SCYL2: variants seen among roughly 807,000 people sequenced by gnomAD.
SCYL2 encodes SCY1 like pseudokinase 2, also known as SCY1-like protein 2.
In SCYL2, 36 loss-of-function variants were observed where a neutral mutation model predicts 100.4. The ratio of observed to expected loss-of-function variants is 0.36; its 90% confidence interval spans 0.27 to 0.47. The LOEUF (loss-of-function observed/expected upper bound fraction) is 0.47, where lower values mean the gene tolerates loss of function less well. Ranked by LOEUF, SCYL2 falls within the 20% of genes least tolerant of loss-of-function variation. The pLI is 1.00. For missense variants in SCYL2, 902 were observed against 1,083.9 expected (o/e 0.83, Z 2.36); for synonymous variants, 330 against 359.2 (o/e 0.92, Z 0.92).
rs776255017 is a variant in SCYL2 at position 100,312,690 on chromosome 12, T to A, written c.852+37T>A. On this transcript the variant is annotated intron_variant, in intron 6 of 17. Transcript: ENST00000360820. ...TAAATAATTTGCTTGCATTAAAAAA[T>A]TTATTAAATGTGTCTTTGATTTTTT... is the stretch of plus-strand genomic sequence containing the variant. 4 of 1,456,148 alleles carry A rather than the reference T, an allele frequency of 2.7e-6. No homozygotes were observed. The African/African-American group carries it at 4.3e-5, about 15-fold the overall frequency. 90.2% of individuals were successfully genotyped at this position (1,456,148 alleles called of 1,614,324 possible). A position where few individuals can be genotyped will look rare whatever the true frequency, so the allele number is the denominator to read the frequency against.
At chr12:100,318,091 C>T (rs982861215) in intron 10 of SCYL2, among the ~76,000 whole-genome samples, 166 bp downstream of exon 10, 2 of 152,138 alleles carry the variant, frequency 1.3e-5, no homozygotes, top group African/African-American at 2.4e-5. Context: ...AATATATTCA[C>T]TCCTAACTAA....
chr12:100,334,060 T>C (rs529906569), intron 13 of SCYL2, 106 bp from the exon 14 acceptor site: 2 of 669,688 alleles, frequency 3.0e-6, no homozygotes, highest in Admixed American at 2.6e-5. Context: ...CCTATTCTAC[T>C]GGTAAAAATG....
At chr12:100,298,266 T>G (rs1264916683) in intron 4 of SCYL2, 91 bp downstream of exon 4, 1 of 952,122 alleles carries the variant, frequency 1.1e-6, no homozygotes, top group East Asian at 2.8e-5. Flanking sequence ...AAAACTATTT[T>G]AGGTAAACTT....
intron 2 of SCYL2, among the ~76,000 whole-genome samples, chr12:100,288,425 A>G (rs1296865700): frequency 2.0e-5 from 3 of 152,140 alleles, no homozygotes; most frequent in African/African-American, 7.2e-5. Context: ...TGGAATTACA[A>G]GCATGAGCCA....
chr12:100,287,854 C>T (rs2135843089), intron 2 of SCYL2, among the ~76,000 whole-genome samples: 1 of 152,088 alleles, frequency 6.6e-6, no homozygotes, highest in East Asian at 1.9e-4. Context: ...TAATAAAAAG[C>T]TTTAATTGCT....
chr12:100,306,951 C>G (rs1167262049), intron 4 of SCYL2, among the ~76,000 whole-genome samples: 1 of 152,086 alleles, frequency 6.6e-6, no homozygotes, highest in Admixed American at 6.6e-5. Context: ...TGTGAAGGAC[C>G]TCTTCAAGGA....
At chr12:100,326,821 C>T in intron 12 of SCYL2, 67 bp downstream of exon 12, 3 of 1,313,792 alleles carry the variant, frequency 2.3e-6, no homozygotes, top group Non-Finnish European at 3.2e-6. Flanking sequence ...ATCTATAAAA[C>T]AATTATACTC....
chr12:100,293,519 GTTT>G (rs368880318), intron 3 of SCYL2, among the ~76,000 whole-genome samples: 1 of 149,046 alleles, frequency 6.7e-6, no homozygotes, highest in Admixed American at 6.7e-5. Flanking sequence ...GTATTTACAT[GTTT>G]TTTTTTTATT....
At chr12:100,294,351 C>T (rs2096314784) in intron 3 of SCYL2, among the ~76,000 whole-genome samples, 1 of 110,838 alleles carries the variant, frequency 9.0e-6, no homozygotes. Context: ...CGCCCCTCAC[C>T]TCCCAGACGG....
intron 5 of SCYL2, 79 bp from the exon 6 acceptor site, chr12:100,312,353 T>C: frequency 1.8e-6 from 2 of 1,092,458 alleles, no homozygotes; most frequent in Non-Finnish European, 2.7e-6. Context: ...CGAGTAGAAA[T>C]TTAAAGATAG....
At chr12:100,300,779 T>G (rs374783491) in intron 4 of SCYL2, among the ~76,000 whole-genome samples, 1 of 152,230 alleles carries the variant, frequency 6.6e-6, no homozygotes, top group East Asian at 1.9e-4. Flanking sequence ...GTTATTTTGC[T>G]TAACATAATG....
At chr12:100,322,937 AG>A (rs2096357778) in intron 10 of SCYL2, among the ~76,000 whole-genome samples, 1 of 151,240 alleles carries the variant, frequency 6.6e-6, no homozygotes. Flanking sequence ...CTGAGGCCAG[AG>A]GATCCCACAA....
At chr12:100,304,305 GA>G (rs906494915) in intron 4 of SCYL2, among the ~76,000 whole-genome samples, 6 of 146,140 alleles carry the variant, frequency 4.1e-5, no homozygotes, top group Non-Finnish European at 6.1e-5. Flanking sequence ...ACTGGGGTTT[GA>G]AAAAAAAAAA....
chr12:100,311,193 G>A lies in SCYL2; in HGVS notation c.630G>A (p.Glu210=), dbSNP rs751358435. The A allele has an allele frequency of 2.5e-6, 4 of 1,582,802 alleles. No homozygotes were observed. The highest frequency in any genetic ancestry group is 1.2e-5 in the South Asian group (1 of 84,890). The change falls in exon 5 of 18, where the codon GAG becomes GAA. Residue 210 remains glutamate (E), a splice_region_variant and synonymous_variant. Coordinates refer to ENST00000360820, the MANE Select transcript of SCYL2 (RefSeq NM_017988.6). ...CVSSTNPSEQ[E]PKFPCKEWDP... ...CATCAACCAATCCTTCTGAACAAGA[G>A]GTAATGAAAGTTTTAGTCTTCTAAT...
chr12:100,318,370 G>A lies in SCYL2; in HGVS notation c.1395+445G>A, dbSNP rs12425955. Among the ~76,000 whole-genome samples the A allele has an allele frequency of 0.025, 3,314 of 132,242 alleles. 266 individuals are homozygous for A. The East Asian group carries it at 0.3, about 12-fold the overall frequency. 86.8% of individuals were successfully genotyped at this position (132,242 alleles called of 152,430 possible). A position where few individuals can be genotyped will look rare whatever the true frequency, so the allele number is the denominator to read the frequency against. ...TTTTGAGACTGAGTCTTGCTCTGTC[G>A]CCCAGGCTGGAGTGCAGTAGCACAA... On this transcript the variant is annotated intron_variant, in intron 10 of 17. Transcript: ENST00000360820.
intron 4 of SCYL2, among the ~76,000 whole-genome samples, chr12:100,304,132 G>A (rs1356349207): frequency 1.3e-5 from 2 of 152,144 alleles, no homozygotes; most frequent in Non-Finnish European, 2.9e-5. Context: ...GTCCCAGGTT[G>A]ATTTCAGACT....
intron 4 of SCYL2, among the ~76,000 whole-genome samples, chr12:100,300,601 T>C (rs899166942): frequency 1.3e-4 from 20 of 152,196 alleles, no homozygotes; most frequent in Middle Eastern, 3.4e-3. Flanking sequence ...TTTCTAACTA[T>C]TGTTTTTGTA....
rs563168343 is a variant in SCYL2 at position 100,271,973 on chromosome 12, G to A, written c.-29+4181G>A. On this transcript the variant is annotated intron_variant, in intron 1 of 17. Coordinates refer to ENST00000360820, the MANE Select transcript of SCYL2 (RefSeq NM_017988.6). Reference sequence around the variant, plus strand: ...AATTGCCAGTTCCTTTCAGCTACCTGCTGTCAGATGCTGTAATACTCATCC... The same window carrying A: ...AATTGCCAGTTCCTTTCAGCTACCTACTGTCAGATGCTGTAATACTCATCC... Among the ~76,000 whole-genome samples, 11 of 152,226 alleles carry A rather than the reference G, an allele frequency of 7.2e-5. No homozygotes were observed. In the South Asian group the frequency reaches 2.3e-3, roughly 32 times the overall value.
At chr12:100,324,713 C>T (rs2135924230) in intron 11 of SCYL2, among the ~76,000 whole-genome samples, 1 of 152,232 alleles carries the variant, frequency 6.6e-6, no homozygotes, top group African/African-American at 2.4e-5. Context: ...ACTAACAACC[C>T]CTGTGACCTT....
Sources: allele counts gnomAD v4.1 joint callset (sites outside exome capture counted in the v4.1 genomes callset), GRCh38; gene constraint gnomAD v4.1.1; transcripts MANE v1.5; gene names NCBI Gene and HGNC (gene_info 2026-07-23, HGNC 2026-07-21).